Variants in PPFIA2 observed in about 807,000 individuals in gnomAD.
PPFIA2 encodes PPFI scaffold protein A2.
In PPFIA2, 46 loss-of-function variants were observed where a neutral mutation model predicts 175.5. The observed-to-expected ratio is 0.26, with a 90% CI of 0.21 to 0.34. The LOEUF (loss-of-function observed/expected upper bound fraction) is 0.34, where lower values mean the gene tolerates loss of function less well. Among genes scored for constraint, PPFIA2 ranks in the 10% least tolerant of loss-of-function variants. The pLI is 1.00. For missense variants in PPFIA2, 1,179 were observed against 1,506.1 expected (o/e 0.78, Z 3.60); for synonymous variants, 568 against 511.4 (o/e 1.11, Z -1.49).
chr12:81,506,289 C>T (rs1320602213), intron 4 of PPFIA2, among the ~76,000 whole-genome samples: 1 of 152,134 alleles, frequency 6.6e-6, no homozygotes, highest in African/African-American at 2.4e-5. Flanking sequence ...GAAAATTTTG[C>T]AAGTTTTCTT....
At chr12:81,626,434 T>C (rs1453034721) in intron 4 of PPFIA2, among the ~76,000 whole-genome samples, 1 of 152,006 alleles carries the variant, frequency 6.6e-6, no homozygotes, top group Non-Finnish European at 1.5e-5. Flanking sequence ...TCCAATATTA[T>C]TAAAACCTTA....
Position 81,709,492 on chromosome 12 carries a change from T to TAC in PPFIA2, c.250-32650_250-32649dup, listed in dbSNP as rs148074685. The stretch of plus-strand genomic sequence containing the variant: ...CAAACTACCATTAACAAATGGTTGG[T>TAC]ACACACACACACACGCATGCATACC... On this transcript the variant is annotated intron_variant, in intron 3 of 32. Coordinates refer to ENST00000549396, the MANE Select transcript of PPFIA2 (RefSeq NM_003625.5). Among the ~76,000 whole-genome samples the TAC allele has an allele frequency of 4.0e-4, 61 of 151,314 alleles. No individual in the cohort carries two copies. In the East Asian group the frequency reaches 4.8e-3, roughly 12 times the overall value.
In PPFIA2 at chr12:81,358,103, A is replaced by G. The variant is rs983259415; in HGVS notation, c.1752T>C (p.Gly584=). The change falls in exon 16 of 33, where the codon GGT becomes GGC. Residue 584 remains glycine (G), a synonymous_variant. Transcript: ENST00000549396. ...TAACCTTTGGCTCATCTCTTCGCAC[A>G]CCCATGCGGCCTCTCCTTGGTCTTC... ...VIRRPRRGRM[G]VRRDEPKVKS... 6.2e-6 allele frequency: 10 copies of G among 1,603,972 alleles called. No homozygotes were observed. The highest frequency in any genetic ancestry group is 7.7e-6 in the Non-Finnish European group (9 of 1,175,380).
chr12:81,496,264 A>T (rs1046334948), intron 4 of PPFIA2, among the ~76,000 whole-genome samples: 1 of 152,204 alleles, frequency 6.6e-6, no homozygotes, highest in Non-Finnish European at 1.5e-5. Context: ...GAGCTCTTAG[A>T]AGTTTTAAAT....
At chr12:81,376,941 T>A (rs1330222648) in intron 9 of PPFIA2, among the ~76,000 whole-genome samples, 4 of 152,150 alleles carry the variant, frequency 2.6e-5, no homozygotes, top group African/African-American at 7.2e-5. Flanking sequence ...CAGACAGCCT[T>A]TCTTCCAATT....
chr12:81,741,309 T>G (rs1208869468), intron 3 of PPFIA2, among the ~76,000 whole-genome samples: 1 of 152,242 alleles, frequency 6.6e-6, no homozygotes, highest in Admixed American at 6.5e-5. Context: ...TTTGTTTTCT[T>G]GTTTTCATTA....
At chr12:81,607,031 G>T (rs1317780275) in intron 4 of PPFIA2, among the ~76,000 whole-genome samples, 1 of 152,012 alleles carries the variant, frequency 6.6e-6, no homozygotes, top group African/African-American at 2.4e-5. Flanking sequence ...TTCTACATGT[G>T]GCTAGCCCGT....
intron 8 of PPFIA2, among the ~76,000 whole-genome samples, chr12:81,403,696 T>C (rs768863844): frequency 6.8e-4 from 104 of 152,266 alleles, no homozygotes; most frequent in Non-Finnish European, 1.3e-3. Flanking sequence ...AACATTCCTC[T>C]AGGAACACTC....
At chr12:81,320,729 A>G (rs1352919964) in intron 22 of PPFIA2, among the ~76,000 whole-genome samples, 1 of 152,100 alleles carries the variant, frequency 6.6e-6, no homozygotes, top group Non-Finnish European at 1.5e-5. Context: ...ATATTGCTGG[A>G]GATAAATAAC....
chr12:81,703,932 T>C (rs989422726), intron 3 of PPFIA2, among the ~76,000 whole-genome samples: 4 of 152,204 alleles, frequency 2.6e-5, no homozygotes, highest in Non-Finnish European at 5.9e-5. Flanking sequence ...ACTTCAAGTA[T>C]CTTGATTTGA....
At chr12:81,440,081 C>A in intron 6 of PPFIA2, 35 bp from the exon 7 acceptor site, 1 of 1,444,876 alleles carries the variant, frequency 6.9e-7, no homozygotes. Flanking sequence ...CAGTAATGTA[C>A]ATCCCATACA....
At chr12:81,608,026 G>T (rs1454447119) in intron 4 of PPFIA2, among the ~76,000 whole-genome samples, 4 of 151,978 alleles carry the variant, frequency 2.6e-5, no homozygotes, top group Admixed American at 2.6e-4. Flanking sequence ...TTTATCACAA[G>T]TTTTTTCTGT....
At chr12:81,719,450 T>A (rs1320477837) in intron 3 of PPFIA2, among the ~76,000 whole-genome samples, 1 of 151,524 alleles carries the variant, frequency 6.6e-6, no homozygotes, top group Non-Finnish European at 1.5e-5. Flanking sequence ...ATTAAAAAGT[T>A]CTCTGGGGTG....
intron 4 of PPFIA2, among the ~76,000 whole-genome samples, chr12:81,605,387 T>C (rs944210055): frequency 6.6e-6 from 1 of 150,858 alleles, no homozygotes; most frequent in Non-Finnish European, 1.5e-5. Flanking sequence ...TGAAAGTAGG[T>C]AAATGGGAAA....
intron 4 of PPFIA2, among the ~76,000 whole-genome samples, chr12:81,551,755 T>G (rs1424877012): frequency 6.6e-6 from 1 of 151,972 alleles, no homozygotes; most frequent in Non-Finnish European, 1.5e-5. Context: ...TTGTATTGTA[T>G]ATATAAAGTC....
intron 4 of PPFIA2, among the ~76,000 whole-genome samples, chr12:81,479,549 G>A (rs1000635459): frequency 4.7e-5 from 7 of 149,676 alleles, no homozygotes; most frequent in African/African-American, 1.7e-4. Flanking sequence ...GTATGTTTTT[G>A]CAGTGGCTGA....
At chr12:81,483,996 A>C (rs1460891474) in intron 4 of PPFIA2, among the ~76,000 whole-genome samples, 1 of 151,736 alleles carries the variant, frequency 6.6e-6, no homozygotes, top group Non-Finnish European at 1.5e-5. Flanking sequence ...CCCTCGGGGT[A>C]GGAATCACTT....
intron 4 of PPFIA2, among the ~76,000 whole-genome samples, chr12:81,664,471 T>A (rs2069677883): frequency 6.6e-6 from 1 of 151,936 alleles, no homozygotes; most frequent in Non-Finnish European, 1.5e-5. Context: ...GAAATGCAAA[T>A]CAAAACCACA....
intron 7 of PPFIA2, among the ~76,000 whole-genome samples, chr12:81,409,421 A>G (rs2043506459): frequency 6.6e-6 from 1 of 152,098 alleles, no homozygotes; most frequent in Admixed American, 6.6e-5. Context: ...GCTCTCATAA[A>G]TGGATTAAGG....
Sources: gnomAD v4.1 joint callset for allele counts (sites outside exome capture counted in the v4.1 genomes callset) on GRCh38, gnomAD v4.1.1 for gene constraint, MANE v1.5 for transcripts, NCBI Gene and HGNC (gene_info 2026-07-23, HGNC 2026-07-21) for gene names.